NPFFR2: variants seen among roughly 807,000 people sequenced by gnomAD.
The protein encoded by NPFFR2 is neuropeptide FF receptor 2.
Under a neutral mutation model 13.1 loss-of-function variants are expected in NPFFR2, and 15 were observed. The ratio of observed to expected loss-of-function variants is 1.15; its 90% CI spans 0.77 to 1.76. The LOEUF (loss-of-function observed/expected upper bound fraction) is 1.76, where lower values mean the gene tolerates loss of function less well. Among genes scored for constraint, NPFFR2 ranks in the 40% most tolerant of loss-of-function variants. NPFFR2 has a pLI of 0.00. For missense variants in NPFFR2, 572 were observed against 503.5 expected, an observed-to-expected ratio of 1.14 and a Z score of -1.30; for synonymous variants, 190 against 175.7, an observed-to-expected ratio of 1.08 and a Z score of -0.65.
chr4:72,112,072 T>A (rs1228289009), intron 1 of NPFFR2, among the ~76,000 whole-genome samples: 1 of 152,068 alleles, frequency 6.6e-6, no homozygotes, highest in Admixed American at 6.6e-5. Flanking sequence ...TGGGGTAGGA[T>A]AAGAATATCT....
chr4:72,127,947 G>T (rs1346227190), intron 1 of NPFFR2, among the ~76,000 whole-genome samples: 1 of 151,944 alleles, frequency 6.6e-6, no homozygotes, highest in African/African-American at 2.4e-5. Flanking sequence ...GGTCATGATG[G>T]CGTGCACCTG....
chr4:72,062,520 T>C (rs1048220424), intron 1 of NPFFR2, among the ~76,000 whole-genome samples: 1 of 29,436 alleles, frequency 3.4e-5, no homozygotes, highest in African/African-American at 6.4e-5. Flanking sequence ...TGTAATAGAT[T>C]GTAAAAAAAA....
intron 1 of NPFFR2, among the ~76,000 whole-genome samples, chr4:72,045,000 T>G (rs980227724): frequency 6.6e-6 from 1 of 152,186 alleles, no homozygotes; most frequent in African/African-American, 2.4e-5. Flanking sequence ...TCCCTATTTT[T>G]TTCTAGTAAT....
intron 1 of NPFFR2, among the ~76,000 whole-genome samples, chr4:72,084,088 A>C (rs1720704295): frequency 6.6e-6 from 1 of 152,150 alleles, no homozygotes; most frequent in Admixed American, 6.6e-5. Flanking sequence ...ATCACTTCTT[A>C]ACGACTTTCC....
intron 1 of NPFFR2, among the ~76,000 whole-genome samples, chr4:72,120,122 G>C (rs1268366382): frequency 6.6e-6 from 1 of 152,160 alleles, no homozygotes; most frequent in Non-Finnish European, 1.5e-5. Flanking sequence ...ACTGAGGCTT[G>C]AGTAGGCAGT....
At chr4:72,107,697 G>C in intron 1 of NPFFR2, among the ~76,000 whole-genome samples, 1 of 151,846 alleles carries the variant, frequency 6.6e-6, no homozygotes, top group East Asian at 1.9e-4. Flanking sequence ...AATGGGAGTG[G>C]TTTCCTTCTT....
At chr4:72,034,072 G>A (rs1348591658) in intron 1 of NPFFR2, among the ~76,000 whole-genome samples, 4 of 152,086 alleles carry the variant, frequency 2.6e-5, no homozygotes, top group Non-Finnish European at 4.4e-5. Context: ...TGAAGCTTCA[G>A]ATACTTAAAA....
At chr4:72,107,235 G>T (rs1437084252) in intron 1 of NPFFR2, among the ~76,000 whole-genome samples, 2 of 151,266 alleles carry the variant, frequency 1.3e-5, no homozygotes, top group African/African-American at 4.9e-5. Context: ...ACAACTTGGG[G>T]TTATAGGCAG....
At chr4:72,060,238 C>T (rs567324884) in intron 1 of NPFFR2, among the ~76,000 whole-genome samples, 7 of 152,152 alleles carry the variant, frequency 4.6e-5, no homozygotes, top group South Asian at 4.2e-4. Flanking sequence ...GTGTGTCAGA[C>T]GTTCTTACTA....
intron 1 of NPFFR2, among the ~76,000 whole-genome samples, chr4:72,048,224 TTTC>T (rs1402298331): frequency 1.3e-5 from 2 of 152,098 alleles, no homozygotes; most frequent in Non-Finnish European, 2.9e-5. Flanking sequence ...TCAAGTTCAG[TTTC>T]TTCTTCCCAA....
At chr4:72,056,112 ACACC>A (rs1220468760) in intron 1 of NPFFR2, among the ~76,000 whole-genome samples, 3 of 151,988 alleles carry the variant, frequency 2.0e-5, no homozygotes, top group Admixed American at 6.6e-5. Context: ...GTGCATGAAA[ACACC>A]TTCTATTGGA....
intron 3 of NPFFR2, among the ~76,000 whole-genome samples, chr4:72,138,986 T>A (rs1010039826): frequency 6.6e-6 from 1 of 152,212 alleles, no homozygotes; most frequent in East Asian, 1.9e-4. Flanking sequence ...TCATTGTGGT[T>A]GTGATTTGCA....
At chr4:72,136,894 T>C (rs1190446343) in intron 2 of NPFFR2, among the ~76,000 whole-genome samples, 1 of 152,212 alleles carries the variant, frequency 6.6e-6, no homozygotes, top group Non-Finnish European at 1.5e-5. Context: ...TTTAGTAGTA[T>C]CTGGCACTTT....
intron 2 of NPFFR2, among the ~76,000 whole-genome samples, chr4:72,133,648 GT>G (rs1410564417): frequency 6.6e-6 from 1 of 152,130 alleles, no homozygotes; most frequent in African/African-American, 2.4e-5. Flanking sequence ...GGCATGGAGT[GT>G]TTTTCTATTT....
chr4:72,138,096 G>C lies in NPFFR2; in HGVS notation c.385G>C (p.Val129Leu). Residue 129 changes from valine (V) to leucine (L), a missense_variant, in exon 3 of 4, where the codon GTC (valine) becomes CTC (leucine). Val to Leu is a conservative substitution (Grantham distance 32). Coordinates refer to ENST00000308744, the MANE Select transcript of NPFFR2 (RefSeq NM_004885.3). ...CAGTGGATTGGTCCAGGGAATATCT[G>C]TCGCAGCTTCAGTCTTTACGTTAGT... Reference protein sequence around the residue: ...KISGLVQGISVAASVFTLVAI... With the variant: ...KISGLVQGISLAASVFTLVAI... The C allele has an allele frequency of 6.2e-7, 1 of 1,613,764 alleles. No homozygotes were observed. Among genetic ancestry groups the C allele is most frequent in the East Asian group, 2.2e-5 (1 of 44,864 alleles).
chr4:72,038,901 C>CTT (rs34623356), intron 1 of NPFFR2, among the ~76,000 whole-genome samples: 2,955 of 86,632 alleles, frequency 0.034, 137 homozygotes, highest in Non-Finnish European at 0.049. Context: ...TTTAAATTTC[C>CTT]TTTCTTTTTT....
chr4:72,147,642 C>T lies in NPFFR2; in HGVS notation c.1093C>T (p.Leu365=). The T allele has an allele frequency of 6.2e-7, 1 of 1,614,054 alleles. No homozygotes were observed. Among genetic ancestry groups the T allele is most frequent in the Non-Finnish European group, 8.5e-7 (1 of 1,180,006 alleles). ...KRAKPMEAYA[L]KAKSHVLINT... is the part of the protein sequence containing the mutation. Reference sequence around the variant, plus strand: ...AGCAAAGCCTATGGAAGCTTATGCCCTAAAAGCTAAAAGCCATGTGCTCAT... The same window carrying T: ...AGCAAAGCCTATGGAAGCTTATGCCTTAAAAGCTAAAAGCCATGTGCTCAT... Residue 365 remains leucine (L), a synonymous_variant, in exon 4 of 4, where the codon CTA becomes TTA. Transcript: ENST00000308744.
At chr4:72,039,006 G>C (rs1423961410) in intron 1 of NPFFR2, among the ~76,000 whole-genome samples, 1 of 140,020 alleles carries the variant, frequency 7.1e-6, no homozygotes, top group Admixed American at 7.6e-5. Context: ...CCGGGTTCGC[G>C]CCATTCTCCT....
intron 1 of NPFFR2, 46 bp downstream of exon 1, chr4:72,032,246 C>A: frequency 6.5e-7 from 1 of 1,537,020 alleles, no homozygotes; most frequent in Non-Finnish European, 8.8e-7. Flanking sequence ...CTTGGGGGCG[C>A]GACCCCTCTC....
Sources: allele counts gnomAD v4.1 joint callset (sites outside exome capture counted in the v4.1 genomes callset), GRCh38; gene constraint gnomAD v4.1.1; transcripts MANE v1.5; gene names NCBI Gene and HGNC (gene_info 2026-07-23, HGNC 2026-07-21).